The following GRID2 variants were observed in gnomAD, a reference collection of about 807,000 sequenced individuals.
The protein encoded by GRID2 is glutamate ionotropic receptor delta type subunit 2.
A neutral mutation model predicts 114.8 loss-of-function variants in GRID2; 33 were observed. The ratio of observed to expected loss-of-function variants is 0.29; its 90% confidence interval spans 0.22 to 0.38. The LOEUF is 0.38. Among genes scored for constraint, GRID2 ranks in the 10% least tolerant of loss-of-function variants. The pLI is 1.00. For missense variants in GRID2, 1,184 were observed against 1,257.7 expected (o/e 0.94, Z 0.89); for synonymous variants, 505 against 449.9 (o/e 1.12, Z -1.55).
intron 2 of GRID2, among the ~76,000 whole-genome samples, chr4:92,987,048 A>C (rs1210736714): frequency 6.6e-6 from 1 of 152,184 alleles, no homozygotes; most frequent in Non-Finnish European, 1.5e-5. Context: ...GTAGATTCTT[A>C]ACAAAGGATG....
intron 2 of GRID2, among the ~76,000 whole-genome samples, chr4:92,597,108 TTTTA>T (rs1303114881): frequency 2.0e-5 from 3 of 151,972 alleles, no homozygotes; most frequent in African/African-American, 2.4e-5. Context: ...TTATTTTTAT[TTTTA>T]TTTGTTTAAT....
At chr4:93,797,021 C>T (rs541910593) in intron 1 of GRID2, among the ~76,000 whole-genome samples, 3 of 152,288 alleles carry the variant, frequency 2.0e-5, no homozygotes, top group Non-Finnish European at 2.9e-5. Flanking sequence ...TACACACCTA[C>T]GATGTGAGGT....
chr4:92,603,450 G>T (rs570997641), intron 2 of GRID2, among the ~76,000 whole-genome samples: 1 of 152,066 alleles, frequency 6.6e-6, no homozygotes, highest in South Asian at 2.1e-4. Context: ...ATGGGGAAAG[G>T]ATTCCCTATT....
chr4:92,443,768 G>A (rs567964772), intron 1 of GRID2, among the ~76,000 whole-genome samples: 126 of 152,286 alleles, frequency 8.3e-4, no homozygotes, highest in Middle Eastern at 3.4e-3. Flanking sequence ...GCCGCTAAGG[G>A]TGAAGGACCA....
chr4:93,527,705 T>G (rs1275939037), intron 13 of GRID2, among the ~76,000 whole-genome samples: 2 of 152,166 alleles, frequency 1.3e-5, no homozygotes, highest in Non-Finnish European at 2.9e-5. Flanking sequence ...TTTAAAATTA[T>G]AAAATACATG....
chr4:92,356,766 A>AT (rs1728346427), intron 1 of GRID2, among the ~76,000 whole-genome samples: 1 of 151,806 alleles, frequency 6.6e-6, no homozygotes, highest in East Asian at 1.9e-4. Context: ...TATAGTAACT[A>AT]ATGCACTGAA....
intron 1 of GRID2, among the ~76,000 whole-genome samples, chr4:92,545,066 A>C (rs1481627330): frequency 6.6e-6 from 1 of 152,100 alleles, no homozygotes; most frequent in Non-Finnish European, 1.5e-5. Flanking sequence ...CCACCTAGAC[A>C]AAAGCCACTG....
intron 8 of GRID2, among the ~76,000 whole-genome samples, chr4:93,289,906 A>C (rs1753559279): frequency 6.6e-6 from 1 of 152,208 alleles, no homozygotes; most frequent in South Asian, 2.1e-4. Flanking sequence ...AATTGGAGTA[A>C]AGAAGTCCAT....
chr4:93,077,633 T>A (rs1729453342), intron 2 of GRID2, among the ~76,000 whole-genome samples: 1 of 152,204 alleles, frequency 6.6e-6, no homozygotes, highest in South Asian at 2.1e-4. Flanking sequence ...GCTTGTTATG[T>A]TTATGATTAT....
chr4:92,414,121 C>G (rs904077554), intron 1 of GRID2, among the ~76,000 whole-genome samples: 1 of 152,132 alleles, frequency 6.6e-6, no homozygotes, highest in Non-Finnish European at 1.5e-5. Context: ...AGTTTGTAGA[C>G]TGGAAATGAT....
At chr4:93,220,915 A>G (rs1300867097) in intron 6 of GRID2, among the ~76,000 whole-genome samples, 1 of 152,200 alleles carries the variant, frequency 6.6e-6, no homozygotes, top group Non-Finnish European at 1.5e-5. Context: ...GAGAAAGCTT[A>G]TGTTGTATTA....
At chr4:92,547,140 T>G (rs2149168693) in intron 1 of GRID2, among the ~76,000 whole-genome samples, 1 of 152,328 alleles carries the variant, frequency 6.6e-6, no homozygotes, top group South Asian at 2.1e-4. Context: ...CTATTATATC[T>G]TATCTCATTT....
chr4:92,628,374 TTGTTC>T (rs1473989644), intron 2 of GRID2, among the ~76,000 whole-genome samples: 2 of 152,172 alleles, frequency 1.3e-5, no homozygotes, highest in Non-Finnish European at 2.9e-5. Context: ...TTGTTTTGTT[TTGTTC>T]TGTTCTGTTT....
chr4:93,229,468 T>C (rs913064727), intron 7 of GRID2, among the ~76,000 whole-genome samples: 51 of 152,140 alleles, frequency 3.4e-4, no homozygotes, highest in African/African-American at 1.2e-3. Flanking sequence ...ATGGCCTTTC[T>C]TAATCAGACT....
At chr4:93,722,127 C>G (rs1450042984) in intron 14 of GRID2, among the ~76,000 whole-genome samples, 1 of 151,696 alleles carries the variant, frequency 6.6e-6, no homozygotes, top group Non-Finnish European at 1.5e-5. Flanking sequence ...ACCATGTTGG[C>G]CAGGCTGGTT....
At chr4:92,832,710 C>A (rs1231297183) in intron 2 of GRID2, among the ~76,000 whole-genome samples, 1 of 151,976 alleles carries the variant, frequency 6.6e-6, no homozygotes, top group Non-Finnish European at 1.5e-5. Flanking sequence ...TCTCTTGAAC[C>A]CAGGAGGTGG....
chr4:93,588,285 TA>T (rs2149606088), intron 13 of GRID2, among the ~76,000 whole-genome samples: 2 of 152,234 alleles, frequency 1.3e-5, no homozygotes, highest in East Asian at 3.9e-4. Context: ...AGAACATTTA[TA>T]AAACAATCAA....
intron 2 of GRID2, among the ~76,000 whole-genome samples, chr4:93,074,607 A>T (rs375650839): frequency 2.0e-4 from 31 of 152,272 alleles, no homozygotes; most frequent in African/African-American, 7.5e-4. Context: ...ATCAAACTAA[A>T]CTGAAATTAA....
At chr4:92,351,942 T>G (rs991886707) in intron 1 of GRID2, among the ~76,000 whole-genome samples, 4 of 151,970 alleles carry the variant, frequency 2.6e-5, no homozygotes, top group African/African-American at 9.7e-5. Flanking sequence ...TCTTGACTGT[T>G]GTAAACAGTG....
Sources: allele counts gnomAD v4.1 joint callset (sites outside exome capture counted in the v4.1 genomes callset), GRCh38; gene constraint gnomAD v4.1.1; transcripts MANE v1.5; gene names NCBI Gene and HGNC (gene_info 2026-07-23, HGNC 2026-07-21).